SLC37A1: variants seen among roughly 807,000 people sequenced by gnomAD.
SLC37A1 encodes solute carrier family 37 member 1.
SLC37A1 carries 49 observed loss-of-function variants against 75.3 expected under a neutral mutation model. The observed-to-expected ratio is 0.65, with a 90% CI of 0.52 to 0.83. The LOEUF (loss-of-function observed/expected upper bound fraction) is 0.83, where lower values mean the gene tolerates loss of function less well. Among genes scored for constraint, SLC37A1 ranks in the 40% least tolerant of loss-of-function variants. The pLI is 0.00. For missense variants in SLC37A1, 566 were observed against 695.0 expected, an observed-to-expected ratio of 0.81 and a Z score of 2.09; for synonymous variants, 268 against 292.1, an observed-to-expected ratio of 0.92 and a Z score of 0.84.
intron 1 of SLC37A1, among the ~76,000 whole-genome samples, chr21:42,515,272 C>T (rs1038400977): frequency 6.6e-6 from 1 of 151,198 alleles, no homozygotes; most frequent in Non-Finnish European, 1.5e-5. Context: ...TATTCTATCT[C>T]GTAATTTAAA....
upstream of SLC37A1, among the ~76,000 whole-genome samples, chr21:42,511,689 G>T (rs562394958): frequency 6.6e-6 from 1 of 152,310 alleles, no homozygotes; most frequent in East Asian, 1.9e-4. Context: ...GGAGGCTGAG[G>T]GGGAGGATCA....
At chr21:42,559,279 C>T (rs2839553) in intron 11 of SLC37A1, among the ~76,000 whole-genome samples, 190 bp downstream of exon 11, 21,519 of 152,176 alleles carry the variant, frequency 0.14, 2,193 homozygotes, top group African/African-American at 0.28. Flanking sequence ...GATATTTGTT[C>T]GCCTCATACC....
At chr21:42,512,651 ACTGGAGCC>A (rs2054448280), upstream of SLC37A1, among the ~76,000 whole-genome samples, 1 of 152,220 alleles carries the variant, frequency 6.6e-6, no homozygotes, top group Admixed American at 6.5e-5. Context: ...AAAGGAGAAG[ACTGGAGCC>A]CTGGGCCATC....
chr21:42,567,903 A>G (rs928206964), intron 16 of SLC37A1, among the ~76,000 whole-genome samples: 3 of 151,882 alleles, frequency 2.0e-5, no homozygotes, highest in Non-Finnish European at 2.9e-5. Context: ...GGCGTTTGCT[A>G]TTGATCAGGT....
At chr21:42,529,750 G>A (rs2054897274) in intron 3 of SLC37A1, among the ~76,000 whole-genome samples, 2 of 152,182 alleles carry the variant, frequency 1.3e-5, no homozygotes, top group South Asian at 2.1e-4. Context: ...AATGGTGTTC[G>A]AGTCTGCCGG....
chr21:42,536,930 A>G (rs2055154646), intron 5 of SLC37A1, among the ~76,000 whole-genome samples: 1 of 152,228 alleles, frequency 6.6e-6, no homozygotes, highest in Non-Finnish European at 1.5e-5. Context: ...GAGACCAACC[A>G]TAGTCACACC....
chr21:42,563,893 CT>C lies in SLC37A1; in HGVS notation c.1135+18del. On this transcript the variant is annotated intron_variant, in intron 13 of 19. Transcript: ENST00000352133. Reference sequence around the variant, plus strand: ...GGAATCTTTGGTGAGTTCATTAAGACTTGTTCTGCTGCAACAATAATTTCGC... The same window carrying C: ...GGAATCTTTGGTGAGTTCATTAAGACTGTTCTGCTGCAACAATAATTTCGC... 1 of 1,614,036 alleles carries C rather than the reference CT, an allele frequency of 6.2e-7. No homozygotes were observed. Among genetic ancestry groups the C allele is most frequent in the Non-Finnish European group, 8.5e-7 (1 of 1,179,882 alleles).
chr21:42,575,773 C>G, intron 18 of SLC37A1: 2 of 985,346 alleles, frequency 2.0e-6, no homozygotes, highest in Non-Finnish European at 2.4e-6. Flanking sequence ...CCAGGAAATT[C>G]TAAAACTCAA....
intron 8 of SLC37A1, 140 bp downstream of exon 8, chr21:42,543,742 A>G (rs999722399): frequency 1.1e-5 from 9 of 789,620 alleles, no homozygotes; most frequent in Admixed American, 6.7e-5. Flanking sequence ...TCTTCTTACC[A>G]GGGAGACTTC....
At chr21:42,520,288 C>T (rs908833871) in intron 2 of SLC37A1, among the ~76,000 whole-genome samples, 4 of 152,154 alleles carry the variant, frequency 2.6e-5, no homozygotes, top group African/African-American at 7.2e-5. Flanking sequence ...CTATGGGTCT[C>T]GTCTCTTCAT....
At chr21:42,512,639 CA>C (rs1418633948), upstream of SLC37A1, among the ~76,000 whole-genome samples, 1 of 152,220 alleles carries the variant, frequency 6.6e-6, no homozygotes, top group African/African-American at 2.4e-5. Context: ...AAAACCTGGC[CA>C]AAAGGAGAAG....
At chr21:42,540,559 A>G (rs983997258) in intron 6 of SLC37A1, among the ~76,000 whole-genome samples, 1 of 152,116 alleles carries the variant, frequency 6.6e-6, no homozygotes, top group Non-Finnish European at 1.5e-5. Context: ...CTAGAAGGGG[A>G]GAAGGCCTGA....
chr21:42,569,310 C>T (rs1302770068), intron 17 of SLC37A1, among the ~76,000 whole-genome samples: 1 of 152,210 alleles, frequency 6.6e-6, no homozygotes, highest in African/African-American at 2.4e-5. Context: ...TTGGTGCCAG[C>T]AGGCTGGAAA....
chr21:42,521,341 A>C (rs1038423611), intron 2 of SLC37A1, among the ~76,000 whole-genome samples: 3 of 152,240 alleles, frequency 2.0e-5, no homozygotes, highest in Non-Finnish European at 4.4e-5. Flanking sequence ...ACAGAATTAC[A>C]AAATAAAAAA....
intron 18 of SLC37A1, among the ~76,000 whole-genome samples, chr21:42,577,873 AAAT>A (rs2056340486): frequency 6.6e-6 from 1 of 152,246 alleles, no homozygotes; most frequent in Non-Finnish European, 1.5e-5. Flanking sequence ...CACGACAGGT[AAAT>A]AATAACCAGA....
chr21:42,505,511 G>A (rs1330561699), intron 2 of SLC37A1, among the ~76,000 whole-genome samples: 1 of 152,120 alleles, frequency 6.6e-6, no homozygotes, highest in African/African-American at 2.4e-5. Context: ...TCTCCCAGGT[G>A]GGTAGCCCCT....
upstream of SLC37A1, among the ~76,000 whole-genome samples, chr21:42,512,313 A>G (rs1166195242): frequency 6.6e-6 from 1 of 152,114 alleles, no homozygotes; most frequent in Non-Finnish European, 1.5e-5. Flanking sequence ...TTTCAAGTGT[A>G]AAACCTGTAG....
At chr21:42,563,953 A>G in intron 13 of SLC37A1, 76 bp downstream of exon 13, 2 of 1,529,322 alleles carry the variant, frequency 1.3e-6, no homozygotes, top group Non-Finnish European at 1.8e-6. Flanking sequence ...TTCACTGCTC[A>G]GGGGAACAGG....
intron 18 of SLC37A1, chr21:42,576,104 G>A (rs1031982438): frequency 4.9e-5 from 17 of 346,624 alleles, no homozygotes; most frequent in Non-Finnish European, 6.5e-5. Context: ...AGGAATCAAC[G>A]GGTTGGGGTG....
Sources: allele counts gnomAD v4.1 joint callset (sites outside exome capture counted in the v4.1 genomes callset), GRCh38; gene constraint gnomAD v4.1.1; transcripts MANE v1.5; gene names NCBI Gene and HGNC (gene_info 2026-07-23, HGNC 2026-07-21).